Variants in C8orf76 observed in about 807,000 individuals in gnomAD.
C8orf76 encodes chromosome 8 open reading frame 76.
C8orf76 carries 46 observed loss-of-function variants against 38.1 expected under a neutral mutation model. The ratio of observed to expected loss-of-function variants is 1.21; its 90% confidence interval spans 0.95 to 1.54. C8orf76 has a LOEUF of 1.54. Ranked by LOEUF, C8orf76 falls within the 40% of genes most tolerant of loss-of-function variation. The probability of loss-of-function intolerance (pLI) is 0.00; values close to 1 mark genes in which losing one functional copy is unlikely to be tolerated. For missense variants in C8orf76, 461 were observed against 441.6 expected (o/e 1.04, Z -0.39); for synonymous variants, 166 against 167.5 (o/e 0.99, Z 0.07).
At chr8:123,235,883 G>C (rs776853181) in intron 3 of C8orf76, among the ~76,000 whole-genome samples, 1 of 152,224 alleles carries the variant, frequency 6.6e-6, no homozygotes, top group South Asian at 2.1e-4. Context: ...GAGCAGGACA[G>C]TAGTAAAGGC....
intron 5 of C8orf76, among the ~76,000 whole-genome samples, chr8:123,223,031 A>G (rs531397900): frequency 2.0e-5 from 3 of 152,266 alleles, no homozygotes; most frequent in African/African-American, 7.2e-5. Context: ...GCACATATTG[A>G]TTTTCTTGCA....
intron 3 of C8orf76, chr8:123,237,137 C>T (rs564948179): frequency 2.5e-5 from 21 of 837,002 alleles, no homozygotes; most frequent in South Asian, 1.4e-4. Context: ...GTGCTGTGCC[C>T]GCCTGCACCA....
chr8:123,233,952 C>T (rs1426853569), intron 3 of C8orf76, among the ~76,000 whole-genome samples: 5 of 150,734 alleles, frequency 3.3e-5, no homozygotes, highest in African/African-American at 7.3e-5. Context: ...GGCATGAACC[C>T]GGGAGGCAGA....
rs1308701889 is a variant in C8orf76, at chr8:123,230,990, AT to A, written c.815+309del. Among the ~76,000 whole-genome samples, 4 of 152,016 alleles carry A rather than the reference AT, an allele frequency of 2.6e-5. No individual in the cohort carries two copies. The East Asian group carries it at 7.7e-4, about 29-fold the overall frequency. On this transcript the variant is annotated intron_variant, in intron 4 of 5. Coordinates refer to ENST00000276704, the MANE Select transcript of C8orf76 (RefSeq NM_032847.3). The stretch of plus-strand genomic sequence containing the variant: ...AAAAAAAAATTTTTGTAGAAATGGG[AT>A]TTCACCATGTTGCTCAGGCTGGTCT...
At position 123,226,535 on chromosome 8, in the gene C8orf76, T is replaced by C. The variant is rs1462622068; in HGVS notation, c.913A>G (p.Ser305Gly). ...AACAGCAAAGTGTCTTCTTTGAAGC[T>C]GAACCCTTTCATTTTATCTTCAATT... ...QEIEDKMKGF[S>G]FKEDTLLLIA... The change falls in exon 5 of 6, where the codon AGC (serine) becomes GGC (glycine). Residue 305 changes from serine to glycine, a missense_variant. Transcript: ENST00000276704. 2.5e-6 allele frequency: 4 copies of C among 1,613,756 alleles called. No individual in the cohort carries two copies. The highest frequency in any genetic ancestry group is 3.4e-6 in the Non-Finnish European group (4 of 1,179,930).
chr8:123,226,466 C>T, intron 5 of C8orf76, 34 bp downstream of exon 5: 4 of 1,603,252 alleles, frequency 2.5e-6, no homozygotes, highest in Non-Finnish European at 3.4e-6. Flanking sequence ...ATCTATGATG[C>T]TTCGTTTCAC....
intron 5 of C8orf76, among the ~76,000 whole-genome samples, chr8:123,220,500 G>C (rs1824871782): frequency 6.6e-6 from 1 of 152,142 alleles, no homozygotes; most frequent in Admixed American, 6.5e-5. Context: ...GATCTTATCT[G>C]ATCTCAGAAG....
chr8:123,237,133 T>C, intron 3 of C8orf76: 1 of 845,476 alleles, frequency 1.2e-6, no homozygotes, highest in Non-Finnish European at 2.0e-6. Context: ...GCAAGTGCTG[T>C]GCCCGCCTGC....
At chr8:123,229,947 C>CA (rs1825188148) in intron 4 of C8orf76, among the ~76,000 whole-genome samples, 1 of 152,034 alleles carries the variant, frequency 6.6e-6, no homozygotes, top group Admixed American at 6.6e-5. Context: ...AACCTGGAGA[C>CA]AGACGTTGCA....
rs770059188 is a variant in C8orf76 at position 123,241,358 on chromosome 8, G to C, written c.-12C>G. The stretch of plus-strand genomic sequence containing the variant: ...CACCCGGAATCCATCTCGCGCCCGC[G>C]GCGGGGGCAACGAGGAAGCGGGGCC... On this transcript the variant is annotated 5_prime_UTR_variant, in exon 1 of 6. Transcript: ENST00000276704. 7 of 1,547,336 alleles carry C rather than the reference G, an allele frequency of 4.5e-6. No homozygotes were observed. In the African/African-American group the frequency reaches 8.7e-5, roughly 19 times the overall value.
At chr8:123,240,972 C>A (rs530920143) in intron 1 of C8orf76, among the ~76,000 whole-genome samples, 148 of 152,316 alleles carry the variant, frequency 9.7e-4, no homozygotes, top group African/African-American at 3.5e-3. Flanking sequence ...TTGAGACCAG[C>A]CGGCAGCAGC....
chr8:123,223,908 T>A (rs1455566479), intron 5 of C8orf76, among the ~76,000 whole-genome samples: 3 of 152,140 alleles, frequency 2.0e-5, no homozygotes, highest in African/African-American at 7.2e-5. Context: ...AATAGATAAA[T>A]TCACAGAGAA....
chr8:123,232,765 C>A (rs1825318223), intron 3 of C8orf76, among the ~76,000 whole-genome samples: 1 of 152,194 alleles, frequency 6.6e-6, no homozygotes, highest in African/African-American at 2.4e-5. Context: ...CAGAACACAT[C>A]TCGTTTTATT....
intron 5 of C8orf76, among the ~76,000 whole-genome samples, 196 bp from the exon 6 acceptor site, chr8:123,220,493 C>G (rs1824871537): frequency 6.6e-6 from 1 of 151,592 alleles, no homozygotes; most frequent in Non-Finnish European, 1.5e-5. Context: ...TGTGCCCGAT[C>G]TTATCTGATC....
intron 4 of C8orf76, among the ~76,000 whole-genome samples, chr8:123,227,665 T>C (rs1413281347): frequency 6.6e-6 from 1 of 152,040 alleles, no homozygotes; most frequent in African/African-American, 2.4e-5. Context: ...AAATTTGATA[T>C]GCTTGAAAAT....
rs570205991 is a variant in C8orf76 at position 123,238,528 on chromosome 8, C to T, written c.213+521G>A. 3.2e-5 allele frequency: 5 copies of T among 155,088 alleles called. No individual in the cohort carries two copies. In the East Asian group the frequency reaches 9.5e-4, roughly 29 times the overall value. 9.6% of individuals were successfully genotyped at this position (155,088 alleles called of 1,614,324 possible). A position where few individuals can be genotyped will look rare whatever the true frequency, so the allele number is the denominator to read the frequency against. On this transcript the variant is annotated intron_variant, in intron 2 of 5. Coordinates refer to ENST00000276704, the MANE Select transcript of C8orf76 (RefSeq NM_032847.3). The stretch of plus-strand genomic sequence containing the variant: ...GAATGGCTAGAGAATATAATCACTA[C>T]TACTATGGAAAGCATCATGATATAG...
At chr8:123,237,964 AGAAAT>A (rs1271419361) in intron 2 of C8orf76, 23 bp from the exon 3 acceptor site, 1 of 1,598,970 alleles carries the variant, frequency 6.3e-7, no homozygotes, top group Non-Finnish European at 8.5e-7. Context: ...TGTTAAATAA[AGAAAT>A]GAAAGGAGGA....
intron 3 of C8orf76, among the ~76,000 whole-genome samples, chr8:123,234,526 C>T (rs552673289): frequency 1.7e-4 from 26 of 152,108 alleles, no homozygotes; most frequent in African/African-American, 5.8e-4. Flanking sequence ...CCTAGTACTT[C>T]GGGAGGCTGA....
chr8:123,221,915 A>T (rs989510017), intron 5 of C8orf76, among the ~76,000 whole-genome samples: 4 of 152,136 alleles, frequency 2.6e-5, no homozygotes, highest in African/African-American at 4.8e-5. Context: ...CCTCCAAAAA[A>T]AATTTTAAAA....
Sources: allele counts gnomAD v4.1 joint callset (sites outside exome capture counted in the v4.1 genomes callset), GRCh38; gene constraint gnomAD v4.1.1; transcripts MANE v1.5; gene names NCBI Gene and HGNC (gene_info 2026-07-23, HGNC 2026-07-21).